PRKN: variants seen among roughly 807,000 people sequenced by gnomAD.
The protein encoded by PRKN is parkin RBR E3 ubiquitin protein ligase.
Under a neutral mutation model 59.5 loss-of-function variants are expected in PRKN, and 56 were observed. That is an observed-to-expected ratio of 0.94 (90% CI 0.76 to 1.18). The LOEUF is 1.18. PRKN is among the 50% of genes most tolerant of loss of function. The pLI, the probability that PRKN is intolerant of heterozygous loss-of-function variation, is 0.00. For missense variants in PRKN, 657 were observed against 596.4 expected (o/e 1.10, Z -1.06); for synonymous variants, 250 against 222.1 (o/e 1.13, Z -1.12).
At chr6:161,586,265 A>G (rs958137588) in intron 7 of PRKN, among the ~76,000 whole-genome samples, 6 of 152,042 alleles carry the variant, frequency 3.9e-5, no homozygotes, top group Non-Finnish European at 8.8e-5. Context: ...TGATCCTCCC[A>G]CCTCAGCCTC....
intron 6 of PRKN, among the ~76,000 whole-genome samples, chr6:161,929,767 C>A (rs990968260): frequency 3.3e-5 from 5 of 152,002 alleles, no homozygotes; most frequent in African/African-American, 9.7e-5. Flanking sequence ...ACCTGCCTCA[C>A]CCTCCCAAAG....
intron 2 of PRKN, among the ~76,000 whole-genome samples, chr6:162,304,528 T>TAGCTATC (rs1554297809): frequency 7.1e-6 from 1 of 141,462 alleles, no homozygotes. Context: ...TCTATCTATC[T>TAGCTATC]ATCTATCTAT....
chr6:161,491,080 G>A (rs1000169977), intron 9 of PRKN, among the ~76,000 whole-genome samples: 14 of 152,118 alleles, frequency 9.2e-5, no homozygotes, highest in Admixed American at 2.6e-4. Flanking sequence ...CCCAGTCTCC[G>A]GTATTTCTTT....
At chr6:162,461,510 A>C in intron 1 of PRKN, among the ~76,000 whole-genome samples, 1 of 136,364 alleles carries the variant, frequency 7.3e-6, no homozygotes, top group African/African-American at 3.3e-5. Context: ...AAAAAAAAAA[A>C]AAAAAAAAAA....
At chr6:162,159,270 C>G (rs912384389) in intron 4 of PRKN, among the ~76,000 whole-genome samples, 2 of 152,200 alleles carry the variant, frequency 1.3e-5, no homozygotes, top group African/African-American at 4.8e-5. Flanking sequence ...TAGGATGCAA[C>G]AGAACTTAAT....
chr6:161,392,878 T>A (rs1786577621), intron 9 of PRKN, among the ~76,000 whole-genome samples: 2 of 152,180 alleles, frequency 1.3e-5, no homozygotes, highest in Admixed American at 6.5e-5. Context: ...GTCTTGCAAC[T>A]AATATGTGTT....
In PRKN at chr6:161,428,855, T is replaced by C. The variant is rs1181108304; in HGVS notation, c.1084-41978A>G. On this transcript the variant is annotated intron_variant, in intron 9 of 11. Transcript: ENST00000366898. This position sits in a 1 kb window ranked among gnomAD's most constrained non-coding sequence, Gnocchi z 4.0. The stretch of plus-strand genomic sequence containing the variant: ...CTGTGTAAGTCCTACATGGCCACCC[T>C]GCCAGTGTTTCAAGCAGGCCTCTAT... Among the ~76,000 whole-genome samples the C allele has an allele frequency of 6.6e-6, 1 of 152,198 alleles. No individual in the cohort carries two copies. The highest frequency in any genetic ancestry group is 1.9e-4 in the East Asian group (1 of 5,192).
intron 1 of PRKN, among the ~76,000 whole-genome samples, chr6:162,634,843 C>T (rs563260140): frequency 6.6e-6 from 1 of 152,254 alleles, no homozygotes; most frequent in East Asian, 1.9e-4. Flanking sequence ...AGCATGGTCT[C>T]GATCTCTTGA....
chr6:161,716,633 G>C (rs73783355), intron 7 of PRKN, among the ~76,000 whole-genome samples: 5,505 of 152,234 alleles, frequency 0.036, 303 homozygotes, highest in African/African-American at 0.12. Flanking sequence ...AAGAAACAAA[G>C]GCTATGTACT....
In PRKN at chr6:161,566,686, T is replaced by C. The variant is rs1384433931; in HGVS notation, c.933+2669A>G. On this transcript the variant is annotated intron_variant, in intron 8 of 11. Coordinates refer to ENST00000366898, the MANE Select transcript of PRKN (RefSeq NM_004562.3). The surrounding 1 kb of genome is among the most constrained non-coding windows in gnomAD (Gnocchi z 4.1). ...CCTCCCAAAGATGTGGGATTACAGGTGTGAGCTGCCACGCCTGGCCTCCTC... is the reference window on the plus strand; with the variant it reads ...CCTCCCAAAGATGTGGGATTACAGGCGTGAGCTGCCACGCCTGGCCTCCTC... Among the ~76,000 whole-genome samples the C allele has an allele frequency of 6.6e-6, 1 of 151,988 alleles. No homozygotes were observed. The highest frequency in any genetic ancestry group is 1.5e-5 in the Non-Finnish European group (1 of 67,968).
chr6:161,911,947 G>A (rs1778376546), intron 6 of PRKN, among the ~76,000 whole-genome samples: 1 of 152,116 alleles, frequency 6.6e-6, no homozygotes, highest in African/African-American at 2.4e-5. Context: ...GGAGGCCGAG[G>A]CGGACAGATC....
Position 161,386,760 on chromosome 6 carries a change from C to G in PRKN, c.1167+34G>C, listed in dbSNP as rs377235301. 2.8e-5 allele frequency: 43 copies of G among 1,513,922 alleles called. No individual in the cohort carries two copies. Among genetic ancestry groups the G allele is most frequent in the Non-Finnish European group, 3.6e-5 (39 of 1,088,942 alleles). 93.8% of individuals were successfully genotyped at this position (1,513,922 alleles called of 1,614,324 possible). ...CTCCAGTCCCCCACTGTATCCGGAG[C>G]CCTGCTTGGAGGAATGAGTAGGGCA... On this transcript the variant is annotated intron_variant, in intron 10 of 11. Coordinates refer to ENST00000366898, the MANE Select transcript of PRKN (RefSeq NM_004562.3). This position sits in a 1 kb window ranked among gnomAD's most constrained non-coding sequence, Gnocchi z 4.3.
At chr6:161,830,320 T>C (rs1022788005) in intron 6 of PRKN, among the ~76,000 whole-genome samples, 65 of 151,960 alleles carry the variant, frequency 4.3e-4, no homozygotes, top group African/African-American at 1.2e-3. Flanking sequence ...GGCGCGATCT[T>C]GGCTCACTGC....
intron 4 of PRKN, among the ~76,000 whole-genome samples, chr6:162,173,462 G>C (rs758684243): frequency 1.3e-5 from 2 of 151,728 alleles, no homozygotes; most frequent in African/African-American, 2.4e-5. Flanking sequence ...CCTTGGTGTT[G>C]ACCTTTGACA....
At chr6:162,147,063 G>T (rs1447531944) in intron 4 of PRKN, among the ~76,000 whole-genome samples, 8 of 150,528 alleles carry the variant, frequency 5.3e-5, no homozygotes, top group African/African-American at 1.5e-4. Flanking sequence ...ATGCAGGGCT[G>T]GGTCCGGTAG....
chr6:161,974,432 C>T (rs559019955), intron 5 of PRKN, among the ~76,000 whole-genome samples: 1 of 152,238 alleles, frequency 6.6e-6, no homozygotes, highest in South Asian at 2.1e-4. Flanking sequence ...CCAGGTCCTG[C>T]CACATACTCC....
At chr6:162,603,364 G>A (rs547706349) in intron 1 of PRKN, among the ~76,000 whole-genome samples, 1 of 152,206 alleles carries the variant, frequency 6.6e-6, no homozygotes, top group East Asian at 1.9e-4. Flanking sequence ...TTTCCCCTAA[G>A]CCAGAGGTTG....
chr6:162,693,198 T>G (rs1263079307), intron 1 of PRKN, among the ~76,000 whole-genome samples: 1 of 152,132 alleles, frequency 6.6e-6, no homozygotes, highest in Non-Finnish European at 1.5e-5. Context: ...CCTCACAAAT[T>G]CAACTGTATA....
chr6:162,033,851 A>AT (rs1783735194), intron 5 of PRKN, among the ~76,000 whole-genome samples: 1 of 152,112 alleles, frequency 6.6e-6, no homozygotes, highest in Non-Finnish European at 1.5e-5. Context: ...AATCTCCAGA[A>AT]TTTAGAATTA....
Sources: gnomAD v4.1 joint callset for allele counts (sites outside exome capture counted in the v4.1 genomes callset) on GRCh38, gnomAD v4.1.1 for gene constraint, Gnocchi (gnomAD v3.1) non-coding constraint, MANE v1.5 for transcripts, NCBI Gene and HGNC (gene_info 2026-07-23, HGNC 2026-07-21) for gene names.